Variants in MGAM observed in about 807,000 individuals in gnomAD.
The protein encoded by MGAM is alpha-1,4-glucosidase.
In MGAM, 253 loss-of-function variants were observed where a neutral mutation model predicts 358.8. The ratio of observed to expected loss-of-function variants is 0.71; its 90% CI spans 0.64 to 0.78. The LOEUF (loss-of-function observed/expected upper bound fraction) is 0.78, where lower values mean the gene tolerates loss of function less well. MGAM is among the 30% of genes least tolerant of loss of function. The probability of loss-of-function intolerance (pLI) is 0.00; values close to 1 mark genes in which losing one functional copy is unlikely to be tolerated. For missense variants in MGAM, 3,080 were observed against 3,432.6 expected, an observed-to-expected ratio of 0.90 and a Z score of 2.57; for synonymous variants, 1,105 against 1,227.1, an observed-to-expected ratio of 0.90 and a Z score of 2.08.
chr7:142,047,006 G>C (rs757386457), intron 21 of MGAM, among the ~76,000 whole-genome samples: 11 of 152,110 alleles, frequency 7.2e-5, no homozygotes, highest in Non-Finnish European at 1.3e-4. Flanking sequence ...TGTTTTTGCT[G>C]ATAATAAAAA....
rs548581191 is a variant in MGAM, at chr7:142,041,863, A to G, written c.2498+1017A>G. On this transcript the variant is annotated intron_variant, in intron 21 of 70. Coordinates refer to ENST00000475668, the MANE Select transcript of MGAM (RefSeq NM_001365693.1). ...CCACTTTCAAGTTTCTGGTCATTTT[A>G]TATATATATTATATATATACGTATA... 2.7e-4 allele frequency among the ~76,000 whole-genome samples: 30 copies of G among 112,344 alleles called. No individual in the cohort carries two copies. In the East Asian group the frequency reaches 2.9e-3, roughly 11 times the overall value. The allele number at this position is 112,344 out of a possible 152,430, so 73.7% of individuals were successfully genotyped here.
At position 142,080,971 on chromosome 7, in the gene MGAM, A is replaced by T. The variant is rs747546890; in HGVS notation, c.6002+26A>T. ...GTGAGTGGCTTCTAGTGTGACTCAG[A>T]GTTGATGGCTACCTGCGCCTTCGCT... On this transcript the variant is annotated intron_variant, in intron 50 of 70. Transcript: ENST00000475668. 9.1e-6 allele frequency: 14 copies of T among 1,531,652 alleles called. 1 individual carries two copies. In the South Asian group the frequency reaches 1.3e-4, roughly 14 times the overall value. 94.9% of individuals were successfully genotyped at this position (1,531,652 alleles called of 1,614,324 possible).
chr7:142,058,464 C>A (rs887960970), intron 31 of MGAM, 136 bp downstream of exon 31: 3 of 1,450,904 alleles, frequency 2.1e-6, no homozygotes, highest in African/African-American at 2.8e-5. Context: ...TTAGCCTCAC[C>A]CCAGCACAGT....
intron 10 of MGAM, among the ~76,000 whole-genome samples, chr7:142,029,244 C>A (rs1181832844): frequency 6.6e-6 from 1 of 152,066 alleles, no homozygotes; most frequent in Non-Finnish European, 1.5e-5. Context: ...CCTGTAATCC[C>A]AGCTATTCGG....
chr7:142,045,273 TA>T (rs1322260838), intron 21 of MGAM, among the ~76,000 whole-genome samples: 21 of 39,634 alleles, frequency 5.3e-4, no homozygotes, highest in Non-Finnish European at 9.9e-4. Context: ...ATATTATATA[TA>T]CCTATAATAT....
At position 142,105,947 on chromosome 7, in the gene MGAM, C is replaced by G. The variant is rs1481059513; in HGVS notation, c.*56C>G. ...AATGACTTTGAAACTACTTATACTTCATACTCATAAAAATTATTGTGTGTT... is the reference window on the plus strand; with the variant it reads ...AATGACTTTGAAACTACTTATACTTGATACTCATAAAAATTATTGTGTGTT... On this transcript the variant is annotated 3_prime_UTR_variant, in exon 71 of 71. Coordinates refer to ENST00000475668, the MANE Select transcript of MGAM (RefSeq NM_001365693.1). The G allele has an allele frequency of 1.9e-5, 24 of 1,287,786 alleles. No individual in the cohort carries two copies. The Admixed American group carries it at 4.2e-4, about 22-fold the overall frequency. 79.8% of individuals were successfully genotyped at this position (1,287,786 alleles called of 1,614,324 possible). A position where few individuals can be genotyped will look rare whatever the true frequency, so the allele number is the denominator to read the frequency against.
chr7:142,035,884 G>A lies in MGAM; in HGVS notation c.1960-285G>A, dbSNP rs181793629. Among the ~76,000 whole-genome samples the A allele has an allele frequency of 2.8e-4, 42 of 152,280 alleles. No individual in the cohort carries two copies. In the East Asian group the frequency reaches 5.8e-3, roughly 21 times the overall value. On this transcript the variant is annotated intron_variant, in intron 16 of 70. Coordinates refer to ENST00000475668, the MANE Select transcript of MGAM (RefSeq NM_001365693.1). Reference sequence around the variant, plus strand: ...TACTATGCATCCAAAAGCTCTTTATGTAAAGTGTATTACTTTTATTACCTC... The same window carrying A: ...TACTATGCATCCAAAAGCTCTTTATATAAAGTGTATTACTTTTATTACCTC...
At chr7:141,991,714 C>T (rs10263383), upstream of MGAM, among the ~76,000 whole-genome samples, 6,883 of 152,148 alleles carry the variant, frequency 0.045, 401 homozygotes, top group African/African-American at 0.13. Flanking sequence ...GGATTACAGG[C>T]GTGAGCCACC....
chr7:142,056,530 C>T (rs1811568738), intron 29 of MGAM, among the ~76,000 whole-genome samples: 1 of 152,030 alleles, frequency 6.6e-6, no homozygotes, highest in Non-Finnish European at 1.5e-5. Flanking sequence ...GCAATATTCC[C>T]ATGTAAGGAA....
Position 142,093,497 on chromosome 7 carries a change from G to A in MGAM, c.7119G>A (p.Gln2373=), listed in dbSNP as rs1815592508. ...QQILPDGSPV[Q]HYNVHNLYGW... Reference sequence around the variant, plus strand: ...TCCTCCCAGACGGCTCCCCGGTGCAGCACTACAATGTGCACAACCTGTACG... The same window carrying A: ...TCCTCCCAGACGGCTCCCCGGTGCAACACTACAATGTGCACAACCTGTACG... Residue 2373 remains glutamine, a synonymous_variant, in exon 60 of 71, where the codon CAG becomes CAA. Coordinates refer to ENST00000475668, the MANE Select transcript of MGAM (RefSeq NM_001365693.1). 4 of 1,513,612 alleles carry A rather than the reference G, an allele frequency of 2.6e-6. 1 individual carries two copies. Among genetic ancestry groups the A allele is most frequent in the Admixed American group, 1.9e-5 (1 of 51,924 alleles). The allele number at this position is 1,513,612 out of a possible 1,614,324, so 93.8% of individuals were successfully genotyped here.
At chr7:141,999,108 G>A (rs1554449836) in intron 1 of MGAM, among the ~76,000 whole-genome samples, 2 of 151,912 alleles carry the variant, frequency 1.3e-5, no homozygotes, top group Non-Finnish European at 2.9e-5. Flanking sequence ...TATCTGTTTT[G>A]TTCATTGTTG....
chr7:142,005,994 C>G (rs532476438), intron 2 of MGAM, among the ~76,000 whole-genome samples: 50 of 151,864 alleles, frequency 3.3e-4, no homozygotes, highest in Middle Eastern at 3.4e-3. Context: ...AGACTTCAAG[C>G]AGTTTGTGGA....
rs182861014 is a variant in MGAM at position 142,083,308 on chromosome 7, G to A, written c.6276G>A (p.Thr2092=). Residue 2092 remains threonine (T), a synonymous_variant, in exon 53 of 71, where the codon ACG becomes ACA. Coordinates refer to ENST00000475668, the MANE Select transcript of MGAM (RefSeq NM_001365693.1). Reference sequence around the variant, plus strand: ...ATTTTTCTTCATTTTCAGATGTGACGTTCCAGCCCCTGCCTGCCTTGACAT... The same window carrying A: ...ATTTTTCTTCATTTTCAGATGTGACATTCCAGCCCCTGCCTGCCTTGACAT... ...LLLNSNAMDV[T]FQPLPALTYR... 9.7e-6 allele frequency: 15 copies of A among 1,549,912 alleles called. No individual in the cohort carries two copies. The highest frequency in any genetic ancestry group is 1.8e-4 in the Middle Eastern group (1 of 5,548).
chr7:142,062,434 C>T, intron 34 of MGAM, 134 bp from the exon 35 acceptor site: 1 of 1,170,192 alleles, frequency 8.5e-7, no homozygotes, highest in Non-Finnish European at 1.2e-6. Context: ...AAGTTAATAA[C>T]ATTATTTAGG....
At position 142,055,052 on chromosome 7, in the gene MGAM, C is replaced by A. The variant is rs1811364573; in HGVS notation, c.3314+144C>A. 4 of 1,033,750 alleles carry A rather than the reference C, an allele frequency of 3.9e-6. No homozygotes were observed. In the East Asian group the frequency reaches 1.0e-4, roughly 27 times the overall value. The allele number at this position is 1,033,750 out of a possible 1,614,324, so 64.0% of individuals were successfully genotyped here. A position where few individuals can be genotyped will look rare whatever the true frequency, so the allele number is the denominator to read the frequency against. Reference sequence around the variant, plus strand: ...ATGAGTTGTTTCCTTCAGACCTATTCTTACAGGAAATCTTTAGCATTCTGG... The same window carrying A: ...ATGAGTTGTTTCCTTCAGACCTATTATTACAGGAAATCTTTAGCATTCTGG... On this transcript the variant is annotated intron_variant, in intron 27 of 70. Coordinates refer to ENST00000475668, the MANE Select transcript of MGAM (RefSeq NM_001365693.1).
In MGAM at chr7:142,064,420, C is replaced by T; in HGVS notation, c.4382C>T (p.Thr1461Ile). The T allele has an allele frequency of 6.2e-7, 1 of 1,608,294 alleles. No homozygotes were observed. Among genetic ancestry groups the T allele is most frequent in the Non-Finnish European group, 8.5e-7 (1 of 1,177,486 alleles). ...AGGGACAGGGGCCTGAGCAGCAAGA[C>T]CCTTTGTATGGAGAGTCAGCAGATC... ...ESRDRGLSSK[T>I]LCMESQQILP... Residue 1461 changes from threonine (T) to isoleucine (I), a missense_variant, in exon 37 of 71, where the codon ACC (threonine) becomes ATC (isoleucine). Thr to Ile is a moderately conservative substitution (Grantham distance 89). Around this residue, in one of 5 missense-constraint regions of MGAM, gnomAD observed 1,816 missense variants for 1,840.5 expected, o/e 0.99. Transcript: ENST00000475668.
At position 142,088,727 on chromosome 7, in the gene MGAM, G is replaced by T. The variant is rs1815015081; in HGVS notation, c.6810+2010G>T. Among the ~76,000 whole-genome samples, 3 of 87,270 alleles carry T rather than the reference G, an allele frequency of 3.4e-5. No homozygotes were observed. In the South Asian group the frequency reaches 1.1e-3, roughly 32 times the overall value. The allele number at this position is 87,270 out of a possible 152,430, so 57.3% of individuals were successfully genotyped here. A position where few individuals can be genotyped will look rare whatever the true frequency, so the allele number is the denominator to read the frequency against. ...CCAGCCACCCTATTCATTTATGTCTGTCTGTCTGTCTGTCTGTCTGTCTAT... is the reference window on the plus strand; with the variant it reads ...CCAGCCACCCTATTCATTTATGTCTTTCTGTCTGTCTGTCTGTCTGTCTAT... On this transcript the variant is annotated intron_variant, in intron 57 of 70. Coordinates refer to ENST00000475668, the MANE Select transcript of MGAM (RefSeq NM_001365693.1).
At chr7:142,043,849 A>G (rs1809486950) in intron 21 of MGAM, among the ~76,000 whole-genome samples, 1 of 100,630 alleles carries the variant, frequency 9.9e-6, no homozygotes. Context: ...TACACATACG[A>G]CGTATAATAT....
At chr7:142,096,739 A>G (rs960881873) in intron 65 of MGAM, among the ~76,000 whole-genome samples, 1 of 152,342 alleles carries the variant, frequency 6.6e-6, no homozygotes, top group South Asian at 2.1e-4. Flanking sequence ...TAAAGAATTC[A>G]TAACAGTCCT....
Sources: gnomAD v4.1 joint callset for allele counts (sites outside exome capture counted in the v4.1 genomes callset) on GRCh38, gnomAD v4.1.1 for gene constraint, gnomAD v4.1.1 regional missense constraint, MANE v1.5 for transcripts, NCBI Gene and HGNC (gene_info 2026-07-23, HGNC 2026-07-21) for gene names.